The following KATNIP variants were observed in gnomAD, a reference collection of about 807,000 sequenced individuals.
KATNIP encodes katanin-interacting protein.
In KATNIP, 126 loss-of-function variants were observed where a neutral mutation model predicts 174.0. The ratio of observed to expected loss-of-function variants is 0.72; its 90% CI spans 0.63 to 0.84. The LOEUF is 0.84. Among genes scored for constraint, KATNIP ranks in the 40% least tolerant of loss-of-function variants. The pLI is 0.00. For missense variants in KATNIP, 1,958 were observed against 2,109.7 expected (o/e 0.93, Z 1.41); for synonymous variants, 810 against 835.7 (o/e 0.97, Z 0.53).
chr16:27,739,308 A>G (rs1447043122), intron 14 of KATNIP, among the ~76,000 whole-genome samples: 1 of 152,192 alleles, frequency 6.6e-6, no homozygotes. Context: ...GCCATTTTTA[A>G]GATAGGTGAA....
chr16:27,687,897 A>G (rs1443351266), intron 8 of KATNIP, among the ~76,000 whole-genome samples: 4 of 152,208 alleles, frequency 2.6e-5, no homozygotes, highest in Admixed American at 2.0e-4. Context: ...GAGACTCTTA[A>G]TATATTAGCC....
At chr16:27,555,301 C>T (rs2089570976) in intron 1 of KATNIP, among the ~76,000 whole-genome samples, 1 of 152,176 alleles carries the variant, frequency 6.6e-6, no homozygotes, top group South Asian at 2.1e-4. Flanking sequence ...TCTTAATCAC[C>T]ATAGCTTTTC....
chr16:27,685,560 T>C (rs533632664), intron 8 of KATNIP, among the ~76,000 whole-genome samples: 3 of 152,266 alleles, frequency 2.0e-5, no homozygotes. Flanking sequence ...AAAAAATGCA[T>C]GTCACTGGGT....
At chr16:27,742,884 T>C (rs55637285) in intron 15 of KATNIP, among the ~76,000 whole-genome samples, 1,687 of 152,178 alleles carry the variant, frequency 0.011, 29 homozygotes, top group African/African-American at 0.038. Context: ...GGGGTACACG[T>C]GCAGGATGTG....
In KATNIP at chr16:27,720,103, T is replaced by A. The variant is rs561948082; in HGVS notation, c.1606-1455T>A. On this transcript the variant is annotated intron_variant, in intron 13 of 27. Coordinates refer to ENST00000261588, the MANE Select transcript of KATNIP (RefSeq NM_015202.5). ...CCCAGCTTACAGTCTCTTCTCTGTTTGTTTGTTTGTTTGTTTTTTCCTGGA... is the reference window on the plus strand; with the variant it reads ...CCCAGCTTACAGTCTCTTCTCTGTTAGTTTGTTTGTTTGTTTTTTCCTGGA... 1.0e-3 allele frequency among the ~76,000 whole-genome samples: 155 copies of A among 152,114 alleles called. No homozygotes were observed. The Middle Eastern group carries it at 0.01, about 10-fold the overall frequency.
chr16:27,763,052 T>C (rs1313810448), intron 19 of KATNIP, among the ~76,000 whole-genome samples: 1 of 152,140 alleles, frequency 6.6e-6, no homozygotes, highest in African/African-American at 2.4e-5. Flanking sequence ...GCGCAGTGGC[T>C]CATGCCCATA....
chr16:27,609,177 A>G (rs2075810862), intron 2 of KATNIP, among the ~76,000 whole-genome samples: 2 of 152,124 alleles, frequency 1.3e-5, no homozygotes, highest in South Asian at 2.1e-4. Flanking sequence ...CAAACTAGAC[A>G]AAGCTCTCTG....
At chr16:27,778,227 A>C (rs972195247) in intron 27 of KATNIP, among the ~76,000 whole-genome samples, 1 of 152,236 alleles carries the variant, frequency 6.6e-6, no homozygotes, top group African/African-American at 2.4e-5. Context: ...AGAGTGGGGA[A>C]GCAGTCAGGG....
At chr16:27,607,148 C>T (rs1012579965) in intron 2 of KATNIP, among the ~76,000 whole-genome samples, 1 of 152,086 alleles carries the variant, frequency 6.6e-6, no homozygotes, top group African/African-American at 2.4e-5. Flanking sequence ...CTTTCCCTTG[C>T]AGTGTTGGGA....
chr16:27,746,132 C>T (rs1647816216), intron 15 of KATNIP, among the ~76,000 whole-genome samples: 1 of 152,002 alleles, frequency 6.6e-6, no homozygotes, highest in South Asian at 2.1e-4. Flanking sequence ...GCCCGGCCAT[C>T]TACTCCTCTG....
At chr16:27,621,849 A>G (rs1596964765) in intron 3 of KATNIP, among the ~76,000 whole-genome samples, 1 of 151,892 alleles carries the variant, frequency 6.6e-6, no homozygotes, top group Non-Finnish European at 1.5e-5. Context: ...CGCAAGGACA[A>G]CATCAAGGGG....
intron 18 of KATNIP, among the ~76,000 whole-genome samples, chr16:27,760,922 A>G (rs2081928268): frequency 6.6e-6 from 1 of 152,210 alleles, no homozygotes; most frequent in Admixed American, 6.5e-5. Flanking sequence ...TCACAAGTCA[A>G]CCAGGCCATG....
intron 14 of KATNIP, 32 bp downstream of exon 14, chr16:27,721,727 A>G (rs748975285): frequency 6.2e-7 from 1 of 1,608,422 alleles, no homozygotes; most frequent in East Asian, 2.2e-5. Context: ...CCCACTGGGC[A>G]CTGGGTTGAT....
At chr16:27,569,698 G>T (rs1033503070) in intron 1 of KATNIP, among the ~76,000 whole-genome samples, 10 of 152,176 alleles carry the variant, frequency 6.6e-5, no homozygotes, top group African/African-American at 2.2e-4. Context: ...AGCTGTCTTC[G>T]CATCGAGCTA....
At chr16:27,724,159 G>A (rs2080350937) in intron 14 of KATNIP, among the ~76,000 whole-genome samples, 1 of 152,132 alleles carries the variant, frequency 6.6e-6, no homozygotes, top group African/African-American at 2.4e-5. Context: ...GTGCTCAGAG[G>A]CTGACCCTCA....
At chr16:27,670,832 T>C (rs771142362) in intron 6 of KATNIP, among the ~76,000 whole-genome samples, 7 of 152,204 alleles carry the variant, frequency 4.6e-5, no homozygotes, top group Non-Finnish European at 7.3e-5. Flanking sequence ...TAATACTAAA[T>C]AATTTTTTTA....
chr16:27,618,977 G>T (rs566802804), intron 3 of KATNIP, among the ~76,000 whole-genome samples: 1 of 152,366 alleles, frequency 6.6e-6, no homozygotes, highest in East Asian at 1.9e-4. Flanking sequence ...TGGAATGCTT[G>T]TTCTTGAAAA....
intron 13 of KATNIP, among the ~76,000 whole-genome samples, chr16:27,715,696 A>G (rs2143010026): frequency 6.6e-6 from 1 of 152,366 alleles, no homozygotes. Flanking sequence ...GATACTTAAC[A>G]TCATAAGTTG....
chr16:27,720,496 CTTTTTT>C (rs56263804), intron 13 of KATNIP, among the ~76,000 whole-genome samples: 33 of 124,532 alleles, frequency 2.6e-4, no homozygotes, highest in Admixed American at 3.4e-4. Context: ...GGGTTTTGTT[CTTTTTT>C]TTTTTTTTTT....
Sources: gnomAD v4.1 joint callset for allele counts (sites outside exome capture counted in the v4.1 genomes callset) on GRCh38, gnomAD v4.1.1 for gene constraint, MANE v1.5 for transcripts, NCBI Gene and HGNC (gene_info 2026-07-23, HGNC 2026-07-21) for gene names.